The following CNTNAP3B variants were observed in gnomAD, a reference collection of about 807,000 sequenced individuals.
CNTNAP3B encodes the protein contactin associated protein family member 3B.
A neutral mutation model predicts 108.9 loss-of-function variants in CNTNAP3B; 25 were observed. That is an observed-to-expected ratio of 0.23 (90% CI 0.17 to 0.32). The LOEUF (loss-of-function observed/expected upper bound fraction) is 0.32, where lower values mean the gene tolerates loss of function less well. Ranked by LOEUF, CNTNAP3B falls within the 10% of genes least tolerant of loss-of-function variation. The probability of loss-of-function intolerance (pLI) is 1.00; values close to 1 mark genes in which losing one functional copy is unlikely to be tolerated. For synonymous variants in CNTNAP3B, 103 were observed against 473.4 expected (o/e 0.22, Z 10.16); for missense variants, 252 against 1,210.4 (o/e 0.21, Z 11.75).
rs536835506 is a variant in CNTNAP3B, at chr9:41,954,745, G to A, written c.1877-1359C>T. The stretch of plus-strand genomic sequence containing the variant: ...GTTGCCCAGGCTGGAGTGCAGTGGC[G>A]CTATCTCAGCTCACTGCAGCCTCTG... On this transcript the variant is annotated intron_variant, in intron 12 of 23. Coordinates refer to ENST00000377561, the MANE Select transcript of CNTNAP3B (RefSeq NM_001201380.3). Among the ~76,000 whole-genome samples, 31 of 152,322 alleles carry A rather than the reference G, an allele frequency of 2.0e-4. No homozygotes were observed. In the South Asian group the frequency reaches 2.9e-3, roughly 14 times the overall value.
chr9:41,939,630 C>G (rs1276800446), intron 13 of CNTNAP3B, among the ~76,000 whole-genome samples: 1 of 152,292 alleles, frequency 6.6e-6, no homozygotes, highest in Non-Finnish European at 1.5e-5. Flanking sequence ...TTAATACACT[C>G]TTCTCGGAAT....
rs1828283905 is a variant in CNTNAP3B, at chr9:42,115,085, G to A, written c.86-10346C>T. 1.5e-5 allele frequency among the ~76,000 whole-genome samples: 2 copies of A among 136,734 alleles called. 1 individual carries two copies. Among genetic ancestry groups the A allele is most frequent in the Admixed American group, 1.5e-4 (2 of 13,672 alleles). 89.7% of individuals were successfully genotyped at this position (136,734 alleles called of 152,430 possible). A position where few individuals can be genotyped will look rare whatever the true frequency, so the allele number is the denominator to read the frequency against. On this transcript the variant is annotated intron_variant, in intron 1 of 23. Coordinates refer to ENST00000377561, the MANE Select transcript of CNTNAP3B (RefSeq NM_001201380.3). ...AAAAAAGAAATACTTACAATGAAAA[G>A]GAACATTAAAAGGAGGCAATATAAA...
At chr9:42,096,976 C>T (rs1208789850) in intron 2 of CNTNAP3B, among the ~76,000 whole-genome samples, 1 of 132,262 alleles carries the variant, frequency 7.6e-6, no homozygotes, top group African/African-American at 3.1e-5. Context: ...GTCTCCAACT[C>T]CTGGGCTCAA....
chr9:41,956,157 C>A (rs1315296806), intron 12 of CNTNAP3B, among the ~76,000 whole-genome samples: 4 of 152,196 alleles, frequency 2.6e-5, no homozygotes, highest in Non-Finnish European at 4.4e-5. Flanking sequence ...GAGGCCGAGG[C>A]AGGCGGATTA....
At chr9:41,963,599 G>T (rs1488317108) in intron 11 of CNTNAP3B, among the ~76,000 whole-genome samples, 56 of 151,624 alleles carry the variant, frequency 3.7e-4, no homozygotes, top group Admixed American at 2.8e-3. Context: ...AGGAAGGTTG[G>T]TTACAAGAGA....
chr9:41,932,885 C>A lies in CNTNAP3B; in HGVS notation c.2238-3441G>T, dbSNP rs1410310283. Among the ~76,000 whole-genome samples the A allele has an allele frequency of 3.3e-5, 5 of 152,354 alleles. No individual in the cohort carries two copies. In the East Asian group the frequency reaches 5.8e-4, roughly 18 times the overall value. On this transcript the variant is annotated intron_variant, in intron 14 of 23. Transcript: ENST00000377561. Reference sequence around the variant, plus strand: ...AAAATCATTATGATCCACATCTAACCCACTTAAAAAATTTCTAGATTCTCA... The same window carrying A: ...AAAATCATTATGATCCACATCTAACACACTTAAAAAATTTCTAGATTCTCA...
At chr9:42,070,707 C>A (rs1365444808) in intron 3 of CNTNAP3B, among the ~76,000 whole-genome samples, 1 of 152,164 alleles carries the variant, frequency 6.6e-6, no homozygotes, top group African/African-American at 2.4e-5. Context: ...ACAGCTGCTG[C>A]CTCTGGGCTC....
At chr9:41,996,399 T>C in intron 6 of CNTNAP3B, 51 bp from the exon 7 acceptor site, 1 of 1,259,272 alleles carries the variant, frequency 7.9e-7, no homozygotes, top group Non-Finnish European at 1.1e-6. Flanking sequence ...TTTCTGATGG[T>C]ACGTGTTTAA....
intron 3 of CNTNAP3B, among the ~76,000 whole-genome samples, chr9:42,017,215 G>A (rs1021446482): frequency 7.2e-6 from 1 of 138,300 alleles, no homozygotes; most frequent in African/African-American, 2.9e-5. Flanking sequence ...ATTTTTAGCA[G>A]TCACATTAGT....
intron 3 of CNTNAP3B, among the ~76,000 whole-genome samples, chr9:42,018,620 A>G (rs1466528592): frequency 1.3e-5 from 2 of 151,508 alleles, no homozygotes; most frequent in Non-Finnish European, 2.9e-5. Context: ...AGCCCTCCCA[A>G]GGACACAGAC....
chr9:42,055,850 C>A (rs1456049798), intron 3 of CNTNAP3B, among the ~76,000 whole-genome samples: 2 of 105,954 alleles, frequency 1.9e-5, no homozygotes, highest in African/African-American at 4.0e-5. Context: ...TGCAGCCAGG[C>A]CACTTGGGTT....
At chr9:42,026,595 G>GAA (rs1225771329) in intron 3 of CNTNAP3B, among the ~76,000 whole-genome samples, 7 of 71,826 alleles carry the variant, frequency 9.7e-5, no homozygotes, top group African/African-American at 2.7e-4. Flanking sequence ...CCGTCTCAGG[G>GAA]AAAAAAAAAA....
chr9:41,973,528 A>G lies in CNTNAP3B; in HGVS notation c.1478-3283T>C, dbSNP rs1223846565. ...CAGTGTTGCCACAAGTTCTTGGTCT[A>G]GCAGATTCCTACAAGAAGGATGTGA... is the stretch of plus-strand genomic sequence containing the variant. On this transcript the variant is annotated intron_variant, in intron 9 of 23. Coordinates refer to ENST00000377561, the MANE Select transcript of CNTNAP3B (RefSeq NM_001201380.3). Among the ~76,000 whole-genome samples the G allele has an allele frequency of 8.7e-5, 11 of 126,720 alleles. No individual in the cohort carries two copies. The Admixed American group carries it at 8.8e-4, about 10-fold the overall frequency. The allele number at this position is 126,720 out of a possible 152,430, so 83.1% of individuals were successfully genotyped here.
intron 9 of CNTNAP3B, among the ~76,000 whole-genome samples, chr9:41,982,406 G>A (rs1421249847): frequency 5.1e-5 from 6 of 117,128 alleles, no homozygotes; most frequent in Non-Finnish European, 8.4e-5. Flanking sequence ...CAAAGGACGT[G>A]AACAGACACT....
intron 3 of CNTNAP3B, among the ~76,000 whole-genome samples, chr9:42,067,348 CTA>C (rs1827291472): frequency 6.9e-6 from 1 of 144,716 alleles, no homozygotes; most frequent in Admixed American, 7.7e-5. Context: ...ACGTAGTATG[CTA>C]TAAGTGAACA....
chr9:41,943,319 CAT>C (rs1824418789), intron 13 of CNTNAP3B, among the ~76,000 whole-genome samples: 1 of 150,478 alleles, frequency 6.6e-6, no homozygotes, highest in Non-Finnish European at 1.5e-5. Context: ...AAAAATGAAA[CAT>C]AATATCCAAA....
At chr9:42,042,463 A>T (rs1269051690) in intron 3 of CNTNAP3B, among the ~76,000 whole-genome samples, 68 of 141,768 alleles carry the variant, frequency 4.8e-4, no homozygotes, top group Non-Finnish European at 9.1e-5. Flanking sequence ...TGCACTCATG[A>T]ATCCAACTGT....
In CNTNAP3B at chr9:41,969,243, T is replaced by G. The variant is rs1437347042; in HGVS notation, c.1649+831A>C. Among the ~76,000 whole-genome samples the G allele has an allele frequency of 3.3e-5, 5 of 151,338 alleles. No homozygotes were observed. The East Asian group carries it at 7.8e-4, about 24-fold the overall frequency. ...TTCTCAGCCAAAATCTTTGTAAAAT[T>G]ATGGCACAACTAGCATAACTGTGGT... On this transcript the variant is annotated intron_variant, in intron 10 of 23. Transcript: ENST00000377561.
At chr9:42,112,096 T>C (rs1259894666) in intron 1 of CNTNAP3B, among the ~76,000 whole-genome samples, 2 of 139,646 alleles carry the variant, frequency 1.4e-5, no homozygotes. Context: ...TCAGATGCGC[T>C]TCCTCCTTTA....
Sources: gnomAD v4.1 joint callset for allele counts (sites outside exome capture counted in the v4.1 genomes callset) on GRCh38, gnomAD v4.1.1 for gene constraint, MANE v1.5 for transcripts, NCBI Gene and HGNC (gene_info 2026-07-23, HGNC 2026-07-21) for gene names.